BAZ2A: variants seen among roughly 807,000 people sequenced by gnomAD.
BAZ2A encodes the protein bromodomain adjacent to zinc finger domain 2A.
Under a neutral mutation model 199.9 loss-of-function variants are expected in BAZ2A, and 34 were observed. The observed-to-expected ratio is 0.17, with a 90% CI of 0.13 to 0.23. The LOEUF is 0.23. Among genes scored for constraint, BAZ2A ranks in the 10% least tolerant of loss-of-function variants. The pLI is 1.00. For synonymous variants in BAZ2A, 857 were observed against 883.9 expected, an observed-to-expected ratio of 0.97 and a Z score of 0.54; for missense variants, 2,002 against 2,391.1, an observed-to-expected ratio of 0.84 and a Z score of 3.39.
chr12:56,615,364 C>T lies in BAZ2A; in HGVS notation c.380G>A (p.Gly127Asp). ...GQYPLNGILG[G>D]SRQPSSPSHN... ...ACTTGGGGATGAAGGTTGCCGGCTGCCCCCAAGGATGCCGTTGAGTGGGTA... is the reference window on the plus strand; with the variant it reads ...ACTTGGGGATGAAGGTTGCCGGCTGTCCCCAAGGATGCCGTTGAGTGGGTA... Residue 127 changes from glycine to aspartate, a missense_variant, in exon 3 of 29, where the codon GGC (glycine) becomes GAC (aspartate). By Grantham distance (94) the Gly-to-Asp change is moderately conservative. Around this residue, in one of 6 missense-constraint regions of BAZ2A, gnomAD observed 641 missense variants for 694.5 expected, o/e 0.92. Coordinates refer to ENST00000549884, the MANE Select transcript of BAZ2A (RefSeq NM_001300905.2). 2 of 1,613,456 alleles carry T rather than the reference C, an allele frequency of 1.2e-6. No homozygotes were observed. Among genetic ancestry groups the T allele is most frequent in the Non-Finnish European group, 1.7e-6 (2 of 1,179,600 alleles).
intron 14 of BAZ2A, 105 bp downstream of exon 14, chr12:56,604,968 G>A (rs1950298149): frequency 7.0e-7 from 1 of 1,435,450 alleles, no homozygotes; most frequent in South Asian, 1.5e-5. Context: ...ATAAGGAGAG[G>A]AGTCAGGAAG....
rs1565800870 is a variant in BAZ2A at position 56,597,635 on chromosome 12, C to CACACACA, written c.*982_*983insTGTGTGT. The CACACACA allele has an allele frequency of 1.8e-4, 17 of 96,302 alleles. No individual in the cohort carries two copies. The highest frequency in any genetic ancestry group is 8.7e-4 in the African/African-American group (16 of 18,362). The allele number at this position is 96,302 out of a possible 1,614,324, so 6.0% of individuals were successfully genotyped here. A position where few individuals can be genotyped will look rare whatever the true frequency, so the allele number is the denominator to read the frequency against. ...CACACACACACAGCGCGCTCTGAGGCCGACACACACACACACACACACACA... is the reference window on the plus strand; with the variant it reads ...CACACACACACAGCGCGCTCTGAGGCACACACACGACACACACACACACACACACACA... On this transcript the variant is annotated 3_prime_UTR_variant, in exon 29 of 29. Coordinates refer to ENST00000549884, the MANE Select transcript of BAZ2A (RefSeq NM_001300905.2).
chr12:56,626,781 C>A (rs1951107852), intron 1 of BAZ2A, among the ~76,000 whole-genome samples: 1 of 152,128 alleles, frequency 6.6e-6, no homozygotes, highest in African/African-American at 2.4e-5. Flanking sequence ...CTCTTTTAAC[C>A]CCCAACAGGG....
chr12:56,626,145 A>G (rs1951091648), intron 1 of BAZ2A, among the ~76,000 whole-genome samples: 1 of 152,158 alleles, frequency 6.6e-6, no homozygotes, highest in Non-Finnish European at 1.5e-5. Flanking sequence ...CAAGCTGGTG[A>G]AAAATAGTCC....
Position 56,599,328 on chromosome 12 carries a change from C to G in BAZ2A, c.5203G>C (p.Gly1735Arg). Residue 1735 changes from glycine (G) to arginine (R), a missense_variant, in exon 27 of 29, where the codon GGT becomes CGT. This residue lies in a region of BAZ2A where 122 missense variants were observed against 123.0 expected (regional missense o/e 0.99). Transcript: ENST00000549884. Reference protein sequence around the residue: ...QVEGEFTQKPGFPKRGQKRKS... With the variant: ...QVEGEFTQKPRFPKRGQKRKS... ...CGCTTCTGGCCACGCTTTGGGAAAC[C>G]AGGCTTCTGAGTGAATTCTCCCTCC... 1 of 1,613,460 alleles carries G rather than the reference C, an allele frequency of 6.2e-7. No individual in the cohort carries two copies. The highest frequency in any genetic ancestry group is 8.5e-7 in the Non-Finnish European group (1 of 1,179,826).
chr12:56,615,413 G>A lies in BAZ2A; in HGVS notation c.331C>T (p.Leu111Phe). 1 of 1,613,456 alleles carries A rather than the reference G, an allele frequency of 6.2e-7. No individual in the cohort carries two copies. Among genetic ancestry groups the A allele is most frequent in the Non-Finnish European group, 8.5e-7 (1 of 1,179,846 alleles). ...PGSNLKDPPL[L>F]SQFSGGQYPL... Reference sequence around the variant, plus strand: ...TATTGTCCCCCCGAGAACTGGGAGAGAAGGGGTGGGTCCTTGAGGTTGCTG... The same window carrying A: ...TATTGTCCCCCCGAGAACTGGGAGAAAAGGGGTGGGTCCTTGAGGTTGCTG... The change falls in exon 3 of 29, where the codon CTC (leucine) becomes TTC (phenylalanine). Residue 111 changes from leucine (L) to phenylalanine (F), a missense_variant. Leu to Phe is a conservative substitution (Grantham distance 22, BLOSUM62 0). Transcript: ENST00000549884.
In BAZ2A at chr12:56,609,941, C is replaced by A; in HGVS notation, c.1887G>T (p.Leu629Phe). ...CCTCTGCTGAGAGCTGCACCCACTG[C>A]AAGCCCTAAGGTAGCAAGGGAGACT... ...FFEERDTPEGLQWVQLSAEEI... is the reference protein window; with the variant it reads ...FFEERDTPEGFQWVQLSAEEI... The change falls in exon 10 of 29, where the codon TTG becomes TTT. Residue 629 changes from leucine (L) to phenylalanine (F), a missense_variant. By Grantham distance (22) the Leu-to-Phe change is conservative. Transcript: ENST00000549884. The A allele has an allele frequency of 6.2e-7, 1 of 1,612,108 alleles. No homozygotes were observed. The highest frequency in any genetic ancestry group is 8.5e-7 in the Non-Finnish European group (1 of 1,179,650).
At chr12:56,604,427 C>A (rs780759710) in intron 15 of BAZ2A, 136 bp from the exon 16 acceptor site, 71 of 1,300,542 alleles carry the variant, frequency 5.5e-5, no homozygotes, top group Non-Finnish European at 7.5e-5. Flanking sequence ...GGCTTAGGCT[C>A]TCCCAGGGAG....
At chr12:56,636,131 G>A (rs896812332) in intron 1 of BAZ2A, 845 of 1,553,952 alleles carry the variant, frequency 5.4e-4, no homozygotes, top group Non-Finnish European at 4.4e-5. Flanking sequence ...GTCAGCCAGG[G>A]AGGGAGTAGG....
upstream of BAZ2A, among the ~76,000 whole-genome samples, chr12:56,633,652 C>G (rs1323826010): frequency 6.6e-6 from 1 of 151,952 alleles, no homozygotes; most frequent in East Asian, 1.9e-4. Context: ...AGTCTTCACC[C>G]CCTCTACAAT....
In BAZ2A at chr12:56,603,577, CTCT is replaced by C. The variant is rs1452083522; in HGVS notation, c.3159_3161del (p.Glu1058del). ...CAGCTGCTATAGACTCCTCTTCTTC[CTCT>C]TCTTCCATGCCACTGGTCTCCTCCA... On this transcript the variant is annotated inframe_deletion, in exon 17 of 29. Transcript: ENST00000549884. 1 of 1,614,072 alleles carries C rather than the reference CTCT, an allele frequency of 6.2e-7. No individual in the cohort carries two copies. The highest frequency in any genetic ancestry group is 8.5e-7 in the Non-Finnish European group (1 of 1,179,908).
Position 56,615,231 on chromosome 12 carries a change from G to A in BAZ2A, c.513C>T (p.Asp171=). The part of the protein sequence containing the change: ...DSQELYDSFP[D]QNFEVMPNGP... ...CATTGGGCATCACCTCAAAATTCTGGTCAGGAAAGGAATCATACAGTTCTT... is the reference window on the plus strand; with the variant it reads ...CATTGGGCATCACCTCAAAATTCTGATCAGGAAAGGAATCATACAGTTCTT... Residue 171 remains aspartate, a synonymous_variant, in exon 3 of 29, where the codon GAC becomes GAT. Coordinates refer to ENST00000549884, the MANE Select transcript of BAZ2A (RefSeq NM_001300905.2). The A allele has an allele frequency of 3.1e-6, 5 of 1,613,946 alleles. No individual in the cohort carries two copies. The highest frequency in any genetic ancestry group is 4.2e-6 in the Non-Finnish European group (5 of 1,179,868).
Position 56,610,223 on chromosome 12 carries a change from G to A in BAZ2A, c.1780-8C>T, listed in dbSNP as rs372743763. The A allele has an allele frequency of 1.4e-4, 233 of 1,613,678 alleles. No individual in the cohort carries two copies. Among genetic ancestry groups the A allele is most frequent in the Non-Finnish European group, 1.8e-4 (210 of 1,179,644 alleles). On this transcript the variant is annotated splice_polypyrimidine_tract_variant and splice_region_variant and intron_variant, in intron 8 of 28. Coordinates refer to ENST00000549884, the MANE Select transcript of BAZ2A (RefSeq NM_001300905.2). Reference sequence around the variant, plus strand: ...CACGTTGCGGCTCAGGTACTAAGAGGAAGAAGTAAAGTAACATTAATAAAG... The same window carrying A: ...CACGTTGCGGCTCAGGTACTAAGAGAAAGAAGTAAAGTAACATTAATAAAG...
chr12:56,636,624 A>G (rs1951454057), upstream of BAZ2A: 1 of 181,132 alleles, frequency 5.5e-6, no homozygotes, highest in African/African-American at 2.4e-5. Context: ...GAGGGATGCA[A>G]AAGACCTTTA....
upstream of BAZ2A, chr12:56,630,339 G>A: frequency 3.1e-6 from 3 of 957,140 alleles, no homozygotes; most frequent in Non-Finnish European, 3.7e-6. Flanking sequence ...GTCGGAGCCG[G>A]AGGGGGCGGA....
rs552696654 is a variant in BAZ2A at position 56,606,788 on chromosome 12, C to T, written c.2093-55G>A. On this transcript the variant is annotated intron_variant, in intron 10 of 28. Coordinates refer to ENST00000549884, the MANE Select transcript of BAZ2A (RefSeq NM_001300905.2). ...GTGAGGCAGGAAGGCAGTTCTCTAGCATCCAGGGCAACACATGCCCGTCTC... is the reference window on the plus strand; with the variant it reads ...GTGAGGCAGGAAGGCAGTTCTCTAGTATCCAGGGCAACACATGCCCGTCTC... 22 of 1,442,088 alleles carry T rather than the reference C, an allele frequency of 1.5e-5. No individual in the cohort carries two copies. In the South Asian group the frequency reaches 2.4e-4, roughly 16 times the overall value. The allele number at this position is 1,442,088 out of a possible 1,614,324, so 89.3% of individuals were successfully genotyped here.
chr12:56,604,965 G>A (rs1047132441), intron 14 of BAZ2A, 108 bp downstream of exon 14: 1 of 1,430,816 alleles, frequency 7.0e-7, no homozygotes, highest in Non-Finnish European at 9.4e-7. Context: ...AAAATAAGGA[G>A]AGGAGTCAGG....
Position 56,599,383 on chromosome 12 carries a change from T to C in BAZ2A, c.5173-25A>G, listed in dbSNP as rs772192158. 40 of 1,598,106 alleles carry C rather than the reference T, an allele frequency of 2.5e-5. 2 individuals carry two copies. In the South Asian group the frequency reaches 3.9e-4, roughly 16 times the overall value. On this transcript the variant is annotated intron_variant, in intron 26 of 28. Transcript: ENST00000549884. ...GCTTAGTATAGGAAACAGGTGAGATTAGCAACAGCTGGAGATGCACTGCTT... is the reference window on the plus strand; with the variant it reads ...GCTTAGTATAGGAAACAGGTGAGATCAGCAACAGCTGGAGATGCACTGCTT...
chr12:56,610,403 C>T lies in BAZ2A; in HGVS notation c.1779+6G>A, dbSNP rs758225180. On this transcript the variant is annotated splice_donor_region_variant and intron_variant, in intron 8 of 28. Coordinates refer to ENST00000549884, the MANE Select transcript of BAZ2A (RefSeq NM_001300905.2). ...GAAAGCAGTCCTTTAAAAAAAGCTACATTACCTTGATCACTTCTGGAAATT... is the reference window on the plus strand; with the variant it reads ...GAAAGCAGTCCTTTAAAAAAAGCTATATTACCTTGATCACTTCTGGAAATT... 4 of 1,613,188 alleles carry T rather than the reference C, an allele frequency of 2.5e-6. No individual in the cohort carries two copies. In the Admixed American group the frequency reaches 5.0e-5, roughly 20 times the overall value.
Sources: allele counts gnomAD v4.1 joint callset (sites outside exome capture counted in the v4.1 genomes callset), GRCh38; gene constraint gnomAD v4.1.1; regional missense constraint gnomAD v4.1.1; transcripts MANE v1.5; gene names NCBI Gene and HGNC (gene_info 2026-07-23, HGNC 2026-07-21).